The following PTPRM variants were observed in gnomAD, a reference collection of about 807,000 sequenced individuals.
PTPRM encodes protein tyrosine phosphatase receptor type M, also known as receptor-type tyrosine-protein phosphatase mu.
Under a neutral mutation model 186.7 loss-of-function variants are expected in PTPRM, and 47 were observed. The observed-to-expected ratio is 0.25, with a 90% confidence interval of 0.20 to 0.32. PTPRM has a LOEUF of 0.32. Among genes scored for constraint, PTPRM ranks in the 10% least tolerant of loss-of-function variants. The pLI is 1.00. For missense variants in PTPRM, 1,494 were observed against 1,865.0 expected (o/e 0.80, Z 3.66); for synonymous variants, 668 against 674.9 (o/e 0.99, Z 0.16).
At chr18:8,325,547 T>C (rs2095370601) in intron 22 of PTPRM, among the ~76,000 whole-genome samples, 1 of 152,248 alleles carries the variant, frequency 6.6e-6, no homozygotes. Context: ...GTACTACATT[T>C]TCTTTATCCA....
Position 8,376,461 on chromosome 18 carries a change from G to T in PTPRM, c.3327-1G>T. On this transcript the variant is annotated splice_acceptor_variant, in intron 25 of 32. Transcript: ENST00000580170. LOFTEE classifies it high-confidence loss of function. ...ACTGACAGACCCCCCTTTTCATTCA[G>T]TGCTGGTGCAGGGAGGACTGGCTGT... 1 of 1,614,160 alleles carries T rather than the reference G, an allele frequency of 6.2e-7. No homozygotes were observed. Among genetic ancestry groups the T allele is most frequent in the African/African-American group, 1.3e-5 (1 of 75,042 alleles).
chr18:8,065,685 ATT>A (rs1382274990), intron 7 of PTPRM, among the ~76,000 whole-genome samples: 1 of 152,180 alleles, frequency 6.6e-6, no homozygotes, highest in African/African-American at 2.4e-5. Flanking sequence ...CATCCTCAGG[ATT>A]GTGAGGAAAG....
intron 1 of PTPRM, among the ~76,000 whole-genome samples, chr18:7,661,459 G>A (rs2038979160): frequency 1.3e-5 from 2 of 152,224 alleles, no homozygotes; most frequent in Non-Finnish European, 2.9e-5. Flanking sequence ...GGGAATGGTT[G>A]GGATGAGTCC....
intron 3 of PTPRM, among the ~76,000 whole-genome samples, chr18:7,893,242 G>A (rs1276547553): frequency 6.6e-6 from 1 of 152,034 alleles, no homozygotes; most frequent in African/African-American, 2.4e-5. Flanking sequence ...CTTGAGAAAA[G>A]AACAGTTATT....
rs1601440664 is a variant in PTPRM at position 8,244,044 on chromosome 18, T to G, written c.2301-14T>G. 1.9e-6 allele frequency: 3 copies of G among 1,603,732 alleles called. No individual in the cohort carries two copies. The East Asian group carries it at 6.7e-5, about 36-fold the overall frequency. On this transcript the variant is annotated splice_polypyrimidine_tract_variant and intron_variant, in intron 14 of 32. Coordinates refer to ENST00000580170, the MANE Select transcript of PTPRM (RefSeq NM_001105244.2). Reference sequence around the variant, plus strand: ...TCAAATGCATGCCTACATAATTGAATTCTTTATCCTAAGGAAACTGGCCAA... The same window carrying G: ...TCAAATGCATGCCTACATAATTGAAGTCTTTATCCTAAGGAAACTGGCCAA...
chr18:7,663,426 T>A (rs1287465178), intron 1 of PTPRM, among the ~76,000 whole-genome samples: 1 of 152,172 alleles, frequency 6.6e-6, no homozygotes, highest in Non-Finnish European at 1.5e-5. Flanking sequence ...ACTGCCTTCA[T>A]GGAGCTTCAG....
intron 22 of PTPRM, among the ~76,000 whole-genome samples, chr18:8,320,262 G>A (rs927787500): frequency 1.3e-5 from 2 of 152,190 alleles, no homozygotes; most frequent in African/African-American, 4.8e-5. Flanking sequence ...CAAGATAATT[G>A]GGGTTGGAAA....
At chr18:8,024,998 G>A (rs1432805824) in intron 7 of PTPRM, among the ~76,000 whole-genome samples, 6 of 152,104 alleles carry the variant, frequency 3.9e-5, no homozygotes, top group Non-Finnish European at 8.8e-5. Flanking sequence ...ATGAGTGACC[G>A]CACCTGGCCC....
Position 7,567,741 on chromosome 18 carries a change from A to G in PTPRM, c.-78A>G. 16 of 1,332,758 alleles carry G rather than the reference A, an allele frequency of 1.2e-5. No homozygotes were observed. The South Asian group carries it at 1.9e-4, about 16-fold the overall frequency. The allele number at this position is 1,332,758 out of a possible 1,614,324, so 82.6% of individuals were successfully genotyped here. A position where few individuals can be genotyped will look rare whatever the true frequency, so the allele number is the denominator to read the frequency against. On this transcript the variant is annotated 5_prime_UTR_variant, in exon 1 of 33. Coordinates refer to ENST00000580170, the MANE Select transcript of PTPRM (RefSeq NM_001105244.2). The surrounding 1 kb of genome is among the most constrained non-coding windows in gnomAD (Gnocchi z 4.3). ...ACCCGTCTCTCCTCGCTGCCTCGGAACCAAAGCTCCCGGCCCCCTCCGCCC... is the reference window on the plus strand; with the variant it reads ...ACCCGTCTCTCCTCGCTGCCTCGGAGCCAAAGCTCCCGGCCCCCTCCGCCC...
chr18:8,106,323 C>CTT (rs11394748), intron 11 of PTPRM, among the ~76,000 whole-genome samples: 9 of 148,196 alleles, frequency 6.1e-5, no homozygotes, highest in Middle Eastern at 3.5e-3. Flanking sequence ...AACATGTTGG[C>CTT]TTTTTTTTTT....
intron 13 of PTPRM, among the ~76,000 whole-genome samples, chr18:8,142,294 A>G (rs1264577544): frequency 6.6e-6 from 1 of 152,158 alleles, no homozygotes; most frequent in Non-Finnish European, 1.5e-5. Context: ...TTTGTCATGG[A>G]AACACTGACG....
At chr18:7,842,928 GTGTA>G (rs1367832487) in intron 2 of PTPRM, among the ~76,000 whole-genome samples, 2 of 62,710 alleles carry the variant, frequency 3.2e-5, no homozygotes, top group Admixed American at 2.2e-4. Flanking sequence ...GTGTGTGTGT[GTGTA>G]TATATATATA....
chr18:7,909,770 T>G (rs926173097), intron 4 of PTPRM, among the ~76,000 whole-genome samples: 1 of 139,270 alleles, frequency 7.2e-6, no homozygotes, highest in Admixed American at 7.1e-5. Flanking sequence ...CAACATTTTT[T>G]AATATTAGAT....
chr18:8,121,136 C>T (rs533048870), intron 13 of PTPRM, among the ~76,000 whole-genome samples: 1 of 152,314 alleles, frequency 6.6e-6, no homozygotes, highest in African/African-American at 2.4e-5. Context: ...AGAATATGTT[C>T]ATTAATAATG....
At chr18:8,123,545 A>G (rs2092246742) in intron 13 of PTPRM, among the ~76,000 whole-genome samples, 1 of 152,182 alleles carries the variant, frequency 6.6e-6, no homozygotes, top group African/African-American at 2.4e-5. Context: ...AAAGCTATCA[A>G]TTTATTGACA....
chr18:8,289,138 G>A (rs2094992653), intron 19 of PTPRM, among the ~76,000 whole-genome samples: 2 of 152,032 alleles, frequency 1.3e-5, no homozygotes, highest in Non-Finnish European at 2.9e-5. Context: ...TACCAGCTGT[G>A]TGATTTCAGG....
At chr18:8,237,657 G>T (rs773915865) in intron 14 of PTPRM, among the ~76,000 whole-genome samples, 10 of 151,864 alleles carry the variant, frequency 6.6e-5, no homozygotes, top group African/African-American at 9.7e-5. Flanking sequence ...TGTTGGTTAG[G>T]CTGGTCTCAC....
intron 13 of PTPRM, 91 bp downstream of exon 13, chr18:8,114,918 A>G: frequency 1.0e-6 from 1 of 996,146 alleles, no homozygotes; most frequent in South Asian, 1.5e-5. Context: ...CTGGAACTTA[A>G]TTGAAAATAA....
intron 1 of PTPRM, among the ~76,000 whole-genome samples, chr18:7,772,444 C>CTTCCTT (rs1457362330): frequency 1.2e-4 from 11 of 92,322 alleles, no homozygotes; most frequent in Non-Finnish European, 1.6e-4. Context: ...CTTCCCCTTC[C>CTTCCTT]CCTTCCTTCC....
Sources: gnomAD v4.1 joint callset for allele counts (sites outside exome capture counted in the v4.1 genomes callset) on GRCh38, gnomAD v4.1.1 for gene constraint, Gnocchi (gnomAD v3.1) non-coding constraint, MANE v1.5 for transcripts, NCBI Gene and HGNC (gene_info 2026-07-23, HGNC 2026-07-21) for gene names.